ITGAL: variants seen among roughly 807,000 people sequenced by gnomAD.
ITGAL encodes integrin subunit alpha L.
ITGAL carries 68 observed loss-of-function variants against 138.4 expected under a neutral mutation model. That is an observed-to-expected ratio of 0.49 (90% CI 0.40 to 0.60). The LOEUF (loss-of-function observed/expected upper bound fraction) is 0.60, where lower values mean the gene tolerates loss of function less well. ITGAL is among the 20% of genes least tolerant of loss of function. ITGAL has a pLI of 0.00. For missense variants in ITGAL, 1,256 were observed against 1,478.6 expected, an observed-to-expected ratio of 0.85 and a Z score of 2.47; for synonymous variants, 561 against 584.3, an observed-to-expected ratio of 0.96 and a Z score of 0.57.
In ITGAL at chr16:30,479,346, A is replaced by G. The variant is rs534632332; in HGVS notation, c.461A>G (p.Asn154Ser). ...RPGFQECIKG[N>S]VDLVFLFDGS... The stretch of plus-strand genomic sequence containing the variant: ...GCTTCTGCAGAATGTATCAAGGGCA[A>G]CGTAGACCTGGTATTTCTGTTTGAT... Residue 154 changes from asparagine to serine, a missense_variant, in exon 6 of 31, where the codon AAC becomes AGC. Asn to Ser is a conservative substitution (Grantham distance 46). Around this residue, in one of 3 missense-constraint regions of ITGAL, gnomAD observed 212 missense variants for 217.4 expected, o/e 0.98. Coordinates refer to ENST00000356798, the MANE Select transcript of ITGAL (RefSeq NM_002209.3). 1.2e-5 allele frequency: 19 copies of G among 1,614,124 alleles called. No homozygotes were observed. The East Asian group carries it at 3.6e-4, about 30-fold the overall frequency.
rs1470899217 is a variant in ITGAL, at chr16:30,521,473, A to C, written c.3340-19A>C. The C allele has an allele frequency of 6.2e-7, 1 of 1,600,666 alleles. No homozygotes were observed. The highest frequency in any genetic ancestry group is 8.5e-7 in the Non-Finnish European group (1 of 1,172,304). ...TGCTCAGTGAATTCTTTGCTCGTTC[A>C]AATTTTGTCTTTGTACAGGTTGGTT... On this transcript the variant is annotated intron_variant, in intron 30 of 30. Transcript: ENST00000356798.
intron 6 of ITGAL, chr16:30,480,688 T>C (rs1235416395): frequency 6.6e-6 from 1 of 152,140 alleles, no homozygotes; most frequent in East Asian, 1.9e-4. Context: ...TGGAGTTGGG[T>C]TGCCCAGGTC....
At chr16:30,477,603 T>C (rs2050489413) in intron 4 of ITGAL, among the ~76,000 whole-genome samples, 1 of 151,694 alleles carries the variant, frequency 6.6e-6, no homozygotes, top group Non-Finnish European at 1.5e-5. Flanking sequence ...TTTGAAGAAA[T>C]TGCAATCTGG....
At chr16:30,475,194 A>G (rs930371995) in intron 2 of ITGAL, 112 bp from the exon 3 acceptor site, 18 of 788,406 alleles carry the variant, frequency 2.3e-5, no homozygotes, top group Admixed American at 2.3e-5. Flanking sequence ...TTGAAGGGGA[A>G]TGGCTGCAGT....
chr16:30,520,709 G>A (rs1157378864), intron 30 of ITGAL, among the ~76,000 whole-genome samples: 1 of 152,212 alleles, frequency 6.6e-6, no homozygotes, highest in African/African-American at 2.4e-5. Flanking sequence ...CTAGAACCCA[G>A]GAGCCTCACT....
chr16:30,489,396 T>C lies in ITGAL; in HGVS notation c.1213+10T>C. ...AGAGCAGGCTATTTGGGTGAGTACT[T>C]CTCTTTTCTGCTGGGATCTTCTGGT... is the stretch of plus-strand genomic sequence containing the variant. On this transcript the variant is annotated intron_variant, in intron 11 of 30. Transcript: ENST00000356798. The C allele has an allele frequency of 6.2e-7, 1 of 1,613,514 alleles. No homozygotes were observed. The highest frequency in any genetic ancestry group is 1.1e-5 in the South Asian group (1 of 91,066).
At chr16:30,488,138 T>C (rs2050673734) in intron 9 of ITGAL, among the ~76,000 whole-genome samples, 1 of 149,046 alleles carries the variant, frequency 6.7e-6, no homozygotes, top group African/African-American at 2.5e-5. Context: ...GAGACTGTAG[T>C]GAGCTATGAT....
Position 30,521,579 on chromosome 16 carries a change from C to G in ITGAL, c.3427C>G (p.Leu1143Val). 1 of 1,614,188 alleles carries G rather than the reference C, an allele frequency of 6.2e-7. No homozygotes were observed. Among genetic ancestry groups the G allele is most frequent in the Non-Finnish European group, 8.5e-7 (1 of 1,180,018 alleles). The change falls in exon 31 of 31, where the codon CTG (leucine) becomes GTG (valine). Residue 1143 changes from leucine (L) to valine (V), a missense_variant. Physicochemically the swap from Leu to Val is conservative, Grantham distance 32 (BLOSUM62 1). Transcript: ENST00000356798. Reference protein sequence around the residue: ...NGIPAEDSEQLASGQEAGDPG... With the variant: ...NGIPAEDSEQVASGQEAGDPG... ...AATCCCTGCAGAAGACTCTGAGCAG[C>G]TGGCATCTGGGCAAGAGGCTGGGGA...
At position 30,493,535 on chromosome 16, in the gene ITGAL, C is replaced by G. The variant is rs551773543; in HGVS notation, c.1214-677C>G. 1.7e-3 allele frequency among the ~76,000 whole-genome samples: 265 copies of G among 152,190 alleles called. 1 individual carries two copies. Among genetic ancestry groups the G allele is most frequent in the Non-Finnish European group, 1.9e-3 (132 of 68,004 alleles). ...TTGTGATCCACCTGCCTCGGCCTCC[C>G]AAAGCGCTGGGATTACAGGCGTGAG... On this transcript the variant is annotated intron_variant, in intron 11 of 30. Transcript: ENST00000356798.
rs2051004039 is a variant in ITGAL, at chr16:30,506,716, T to C, written c.2368T>C (p.Ser790Pro). ...TCTTTCCCTGATCATCCCCCACAGA[T>C]CCAGAGCCCTGCGTCTAACTGCTTT... ...NLRVSFSPAR[S>P]RALRLTAFAS... The change falls in exon 21 of 31, where the codon TCC becomes CCC. Residue 790 changes from serine (S) to proline (P), a missense_variant and splice_region_variant. Ser to Pro is a moderately conservative substitution (Grantham distance 74, BLOSUM62 -1). Transcript: ENST00000356798. The C allele has an allele frequency of 2.5e-6, 4 of 1,609,600 alleles. No homozygotes were observed. Among genetic ancestry groups the C allele is most frequent in the Non-Finnish European group, 8.5e-7 (1 of 1,177,282 alleles).
chr16:30,492,692 G>A, intron 11 of ITGAL, among the ~76,000 whole-genome samples: 1 of 151,578 alleles, frequency 6.6e-6, no homozygotes, highest in East Asian at 1.9e-4. Context: ...GAGTAGCTGG[G>A]ACTACAGGTG....
At position 30,494,815 on chromosome 16, in the gene ITGAL, A is replaced by G; in HGVS notation, c.1468A>G (p.Arg490Gly). The G allele has an allele frequency of 3.1e-6, 5 of 1,608,892 alleles. No individual in the cohort carries two copies. Among genetic ancestry groups the G allele is most frequent in the Non-Finnish European group, 4.3e-6 (5 of 1,176,264 alleles). Reference sequence around the variant, plus strand: ...TGCCCCACTGTTCTATGGGGAGCAGAGAGGAGGCCGGGTGTTTATCTACCA... The same window carrying G: ...TGCCCCACTGTTCTATGGGGAGCAGGGAGGAGGCCGGGTGTTTATCTACCA... ...IGAPLFYGEQ[R>G]GGRVFIYQRR... The change falls in exon 13 of 31, where the codon AGA (arginine) becomes GGA (glycine). Residue 490 changes from arginine (R) to glycine (G), a missense_variant. By Grantham distance (125) the Arg-to-Gly change is moderately radical. Transcript: ENST00000356798. This position sits in a 1 kb window ranked among gnomAD's most constrained non-coding sequence, Gnocchi z 4.2.
chr16:30,500,751 G>T (rs1597090790), intron 17 of ITGAL, among the ~76,000 whole-genome samples: 1 of 152,044 alleles, frequency 6.6e-6, no homozygotes, highest in South Asian at 2.1e-4. Context: ...AAGCGCGGTG[G>T]CTCAGCACTT....
chr16:30,493,075 C>T (rs1458046817), intron 11 of ITGAL, among the ~76,000 whole-genome samples: 2 of 151,494 alleles, frequency 1.3e-5, no homozygotes, highest in African/African-American at 2.4e-5. Context: ...TTTGTAGAGA[C>T]GGGGTCTCAC....
rs746647250 is a variant in ITGAL, at chr16:30,489,399, CTT to C, written c.1213+16_1213+17del. ...GCAGGCTATTTGGGTGAGTACTTCTCTTTTCTGCTGGGATCTTCTGGTTGTTG... is the reference window on the plus strand; with the variant it reads ...GCAGGCTATTTGGGTGAGTACTTCTCTTCTGCTGGGATCTTCTGGTTGTTG... On this transcript the variant is annotated intron_variant, in intron 11 of 30. Transcript: ENST00000356798. 1 of 1,613,326 alleles carries C rather than the reference CTT, an allele frequency of 6.2e-7. No homozygotes were observed. Among genetic ancestry groups the C allele is most frequent in the African/African-American group, 1.3e-5 (1 of 75,032 alleles).
intron 9 of ITGAL, among the ~76,000 whole-genome samples, chr16:30,485,427 G>A (rs568149671): frequency 9.2e-5 from 14 of 151,814 alleles, no homozygotes; most frequent in African/African-American, 2.2e-4. Flanking sequence ...GGGTTTCATC[G>A]TGTTAGCCAG....
chr16:30,478,886 G>A (rs1398002729), intron 4 of ITGAL, among the ~76,000 whole-genome samples: 1 of 152,044 alleles, frequency 6.6e-6, no homozygotes, highest in Non-Finnish European at 1.5e-5. Flanking sequence ...CAGGCGGTGA[G>A]CATCCATTGG....
intron 9 of ITGAL, among the ~76,000 whole-genome samples, chr16:30,487,078 G>A (rs2050657522): frequency 6.8e-6 from 1 of 147,712 alleles, no homozygotes; most frequent in Non-Finnish European, 1.5e-5. Context: ...TGGAGGTGGA[G>A]TTCACAGTGA....
At chr16:30,492,765 C>T (rs925564578) in intron 11 of ITGAL, among the ~76,000 whole-genome samples, 1 of 150,974 alleles carries the variant, frequency 6.6e-6, no homozygotes, top group Non-Finnish European at 1.5e-5. Flanking sequence ...ACCGTGGTCT[C>T]GATCTCCTGA....
Sources: gnomAD v4.1 joint callset for allele counts (sites outside exome capture counted in the v4.1 genomes callset) on GRCh38, gnomAD v4.1.1 for gene constraint, gnomAD v4.1.1 regional missense constraint, Gnocchi (gnomAD v3.1) non-coding constraint, MANE v1.5 for transcripts, NCBI Gene and HGNC (gene_info 2026-07-23, HGNC 2026-07-21) for gene names.